FMN2: variants seen among roughly 807,000 people sequenced by gnomAD.
The protein encoded by FMN2 is formin 2, also known as formin-2.
A neutral mutation model predicts 142.3 loss-of-function variants in FMN2; 51 were observed. The observed-to-expected ratio is 0.36, with a 90% CI of 0.29 to 0.45. The LOEUF is 0.45. Ranked by LOEUF, FMN2 falls within the 20% of genes least tolerant of loss-of-function variation. The pLI, the probability that FMN2 is intolerant of heterozygous loss-of-function variation, is 1.00. For missense variants in FMN2, 1,936 were observed against 2,122.8 expected, an observed-to-expected ratio of 0.91 and a Z score of 1.73; for synonymous variants, 882 against 869.8, an observed-to-expected ratio of 1.01 and a Z score of -0.25.
chr1:240,272,119 C>T (rs748556682), intron 7 of FMN2, among the ~76,000 whole-genome samples: 9 of 152,098 alleles, frequency 5.9e-5, no homozygotes, highest in Non-Finnish European at 1.3e-4. Flanking sequence ...TTTTGGCCAA[C>T]CTCTTGACCC....
intron 13 of FMN2, among the ~76,000 whole-genome samples, chr1:240,355,254 C>T (rs1672224559): frequency 6.6e-6 from 1 of 152,068 alleles, no homozygotes; most frequent in African/African-American, 2.4e-5. Flanking sequence ...GGATAAAATG[C>T]ATCTGACATG....
chr1:240,335,448 C>T (rs1051737611), intron 13 of FMN2, among the ~76,000 whole-genome samples: 2 of 151,938 alleles, frequency 1.3e-5, no homozygotes, highest in African/African-American at 4.8e-5. Context: ...ACAAAAAAAC[C>T]CACTCATGCT....
At chr1:240,264,735 T>A (rs1668742730) in intron 7 of FMN2, among the ~76,000 whole-genome samples, 1 of 152,244 alleles carries the variant, frequency 6.6e-6, no homozygotes. Context: ...GGCTGCATAG[T>A]ATTCCATGGT....
chr1:240,411,355 G>A (rs1674381925), intron 15 of FMN2, among the ~76,000 whole-genome samples: 1 of 152,180 alleles, frequency 6.6e-6, no homozygotes, highest in Middle Eastern at 3.4e-3. Context: ...GGCGGATCAC[G>A]AGGTTAGGAG....
intron 3 of FMN2, chr1:240,179,394 C>T (rs2103326601): frequency 6.6e-6 from 1 of 152,190 alleles, no homozygotes; most frequent in African/African-American, 2.4e-5. Context: ...AATGAGGGCC[C>T]ACACTTGACC....
intron 2 of FMN2, among the ~76,000 whole-genome samples, chr1:240,147,492 A>AT (rs796678072): frequency 8.4e-4 from 126 of 149,714 alleles, no homozygotes; most frequent in South Asian, 2.1e-3. Context: ...CAAAAGAGTG[A>AT]TTTTTTTTTT....
At chr1:240,359,351 A>G (rs571875695) in intron 14 of FMN2, among the ~76,000 whole-genome samples, 1 of 152,274 alleles carries the variant, frequency 6.6e-6, no homozygotes, top group Admixed American at 6.5e-5. Context: ...GTATGATTAT[A>G]TTTTTGTATA....
At chr1:240,351,158 T>A (rs2103040462) in intron 13 of FMN2, among the ~76,000 whole-genome samples, 1 of 152,316 alleles carries the variant, frequency 6.6e-6, no homozygotes, top group East Asian at 1.9e-4. Flanking sequence ...TAAAAACATC[T>A]TTTTACTTTG....
rs866684667 is a variant in FMN2 at position 240,093,692 on chromosome 1, C to A, written c.1583C>A (p.Ala528Glu). The part of the protein sequence containing the change: ...ALAAKASGAP[A>E]AADGFQNVFT... ...GCCGCCAAGGCGTCTGGGGCCCCCG[C>A]GGCTGCGGATGGCTTCCAGAACGTG... The change falls in exon 1 of 18, where the codon GCG (alanine) becomes GAG (glutamate). Residue 528 changes from alanine (A) to glutamate (E), a missense_variant. Physicochemically the swap from Ala to Glu is moderately radical, Grantham distance 107 (BLOSUM62 -1). Coordinates refer to ENST00000319653, the MANE Select transcript of FMN2 (RefSeq NM_020066.5). The A allele has an allele frequency of 7.3e-7, 1 of 1,367,084 alleles. No homozygotes were observed. The highest frequency in any genetic ancestry group is 9.4e-7 in the Non-Finnish European group (1 of 1,066,872). 84.7% of individuals were successfully genotyped at this position (1,367,084 alleles called of 1,614,324 possible). A position where few individuals can be genotyped will look rare whatever the true frequency, so the allele number is the denominator to read the frequency against.
chr1:240,208,862 A>G (rs749858168), intron 5 of FMN2, 130 bp downstream of exon 5: 6 of 1,193,612 alleles, frequency 5.0e-6, no homozygotes, highest in Non-Finnish European at 7.0e-6. Flanking sequence ...AGATTTTTAC[A>G]TCAATATATA....
At chr1:240,116,309 G>A (rs1008426336) in intron 1 of FMN2, among the ~76,000 whole-genome samples, 17 of 152,220 alleles carry the variant, frequency 1.1e-4, no homozygotes, top group Non-Finnish European at 2.4e-4. Context: ...CTGTTAGTGC[G>A]TTCACAAAGG....
intron 14 of FMN2, among the ~76,000 whole-genome samples, chr1:240,385,538 T>G (rs1013954271): frequency 6.6e-6 from 1 of 152,184 alleles, no homozygotes; most frequent in Non-Finnish European, 1.5e-5. Flanking sequence ...TATAAAAATT[T>G]AGTTTGAGTT....
chr1:240,324,925 G>A (rs1451744482), intron 8 of FMN2, among the ~76,000 whole-genome samples: 2 of 152,104 alleles, frequency 1.3e-5, no homozygotes, highest in Non-Finnish European at 2.9e-5. Context: ...GGAATTCTAA[G>A]ATGCGTCAAA....
chr1:240,120,418 TAA>T (rs1662188418), intron 1 of FMN2, among the ~76,000 whole-genome samples: 1 of 152,184 alleles, frequency 6.6e-6, no homozygotes, highest in Non-Finnish European at 1.5e-5. Context: ...GCCCTTTACA[TAA>T]AAAGTTTGAT....
intron 13 of FMN2, among the ~76,000 whole-genome samples, chr1:240,338,936 C>T (rs1671656025): frequency 6.6e-6 from 1 of 152,168 alleles, no homozygotes; most frequent in Non-Finnish European, 1.5e-5. Flanking sequence ...AGTGACAGAT[C>T]ATCAGACATT....
At chr1:240,202,313 A>C (rs1666155827) in intron 4 of FMN2, among the ~76,000 whole-genome samples, 1 of 152,174 alleles carries the variant, frequency 6.6e-6, no homozygotes, top group Non-Finnish European at 1.5e-5. Flanking sequence ...TATGTAAATT[A>C]GAAAGGTTAA....
Position 240,091,953 on chromosome 1 carries a change from C to G in FMN2, c.-157C>G. On this transcript the variant is annotated 5_prime_UTR_variant, in exon 1 of 18. Transcript: ENST00000319653. ...TATGCAAAGCGGCGGCAGATGCGAGCGGGGCCAGCCGGGCGCGCGTCGGCC... is the reference window on the plus strand; with the variant it reads ...TATGCAAAGCGGCGGCAGATGCGAGGGGGGCCAGCCGGGCGCGCGTCGGCC... The G allele has an allele frequency of 8.0e-7, 1 of 1,247,124 alleles. No homozygotes were observed. Among genetic ancestry groups the G allele is most frequent in the Non-Finnish European group, 1.0e-6 (1 of 960,892 alleles). 77.3% of individuals were successfully genotyped at this position (1,247,124 alleles called of 1,614,324 possible). A position where few individuals can be genotyped will look rare whatever the true frequency, so the allele number is the denominator to read the frequency against.
chr1:240,440,156 G>C (rs576276390), intron 16 of FMN2, among the ~76,000 whole-genome samples: 1 of 152,290 alleles, frequency 6.6e-6, no homozygotes, highest in South Asian at 2.1e-4. Flanking sequence ...GCTTGGTCCT[G>C]TCGTGGAGGT....
intron 7 of FMN2, among the ~76,000 whole-genome samples, chr1:240,275,488 T>C (rs76663365): frequency 6.6e-6 from 1 of 152,076 alleles, no homozygotes; most frequent in Non-Finnish European, 1.5e-5. Flanking sequence ...ATCTAGTCTA[T>C]CATTGATGGG....
Sources: gnomAD v4.1 joint callset for allele counts (sites outside exome capture counted in the v4.1 genomes callset) on GRCh38, gnomAD v4.1.1 for gene constraint, MANE v1.5 for transcripts, NCBI Gene and HGNC (gene_info 2026-07-23, HGNC 2026-07-21) for gene names.